Variants in CSGALNACT2 observed in about 807,000 individuals in gnomAD.
CSGALNACT2 encodes beta 4 GalNAcT-2.
CSGALNACT2 carries 35 observed loss-of-function variants against 55.3 expected under a neutral mutation model. That is an observed-to-expected ratio of 0.63 (90% CI 0.48 to 0.84). The LOEUF is 0.84. Among genes scored for constraint, CSGALNACT2 ranks in the 40% least tolerant of loss-of-function variants. The pLI is 0.00. For synonymous variants in CSGALNACT2, 196 were observed against 224.9 expected, an observed-to-expected ratio of 0.87 and a Z score of 1.15; for missense variants, 544 against 657.5, an observed-to-expected ratio of 0.83 and a Z score of 1.89.
chr10:43,177,054 G>C (rs770500492), intron 7 of CSGALNACT2, among the ~76,000 whole-genome samples: 3 of 152,080 alleles, frequency 2.0e-5, no homozygotes, highest in Non-Finnish European at 4.4e-5. Flanking sequence ...CCAGCCTTTT[G>C]TTTTGGAAAT....
chr10:43,152,152 T>C (rs1838888849), intron 1 of CSGALNACT2, among the ~76,000 whole-genome samples: 1 of 152,208 alleles, frequency 6.6e-6, no homozygotes, highest in African/African-American at 2.4e-5. Flanking sequence ...CTCAAAACAC[T>C]TAACTATCTG....
chr10:43,166,969 C>A (rs1179454511), intron 5 of CSGALNACT2, 35 bp from the exon 6 acceptor site: 12 of 1,322,812 alleles, frequency 9.1e-6, no homozygotes, highest in African/African-American at 1.5e-5. Flanking sequence ...TTCATAACTT[C>A]TTTTTATGTT....
intron 1 of CSGALNACT2, among the ~76,000 whole-genome samples, chr10:43,150,493 A>G (rs952404598): frequency 1.3e-5 from 2 of 152,228 alleles, no homozygotes; most frequent in Non-Finnish European, 2.9e-5. Context: ...CTCTGGGTAT[A>G]GAATTGTAGG....
chr10:43,180,999 G>A (rs1428330655), intron 7 of CSGALNACT2, among the ~76,000 whole-genome samples: 1 of 152,170 alleles, frequency 6.6e-6, no homozygotes, highest in East Asian at 1.9e-4. Flanking sequence ...ACATGCTGTG[G>A]CATACTTTAA....
At chr10:43,157,516 ACAG>A (rs1839040513) in intron 2 of CSGALNACT2, among the ~76,000 whole-genome samples, 1 of 152,190 alleles carries the variant, frequency 6.6e-6, no homozygotes, top group African/African-American at 2.4e-5. Flanking sequence ...CAGGTCTAAG[ACAG>A]CAGTACTTCT....
chr10:43,158,457 A>G (rs937907246), intron 2 of CSGALNACT2, among the ~76,000 whole-genome samples: 5 of 152,234 alleles, frequency 3.3e-5, no homozygotes, highest in Admixed American at 1.3e-4. Context: ...AAAAAGTCGT[A>G]TGTAAAAAGG....
chr10:43,177,080 C>G (rs974240948), intron 7 of CSGALNACT2, among the ~76,000 whole-genome samples: 1 of 152,136 alleles, frequency 6.6e-6, no homozygotes, highest in African/African-American at 2.4e-5. Flanking sequence ...CACCTTGTCT[C>G]CTTATCATTG....
intron 2 of CSGALNACT2, among the ~76,000 whole-genome samples, chr10:43,157,439 C>G (rs2133116291): frequency 6.6e-6 from 1 of 152,306 alleles, no homozygotes; most frequent in Middle Eastern, 3.4e-3. Context: ...GTAATGACAA[C>G]TAATTCCTAT....
At chr10:43,183,107 C>CTCCCGGTGACTGGGAG in intron 7 of CSGALNACT2, 143 bp from the exon 8 acceptor site, 1 of 667,856 alleles carries the variant, frequency 1.5e-6, no homozygotes, top group South Asian at 1.9e-5. Flanking sequence ...CTGGGAGTCA[C>CTCCCGGTGACTGGGAG]TCCTCCATGC....
chr10:43,153,752 G>A (rs1838931821), intron 1 of CSGALNACT2, among the ~76,000 whole-genome samples: 1 of 152,200 alleles, frequency 6.6e-6, no homozygotes, highest in Admixed American at 6.5e-5. Context: ...TCTATTTTTA[G>A]AGTTAAGAAT....
intron 1 of CSGALNACT2, among the ~76,000 whole-genome samples, chr10:43,145,048 T>TG (rs1805240258): frequency 1.3e-5 from 2 of 152,228 alleles, no homozygotes; most frequent in South Asian, 4.1e-4. Flanking sequence ...TCCATTCACC[T>TG]GTTGGTGGAC....
At chr10:43,150,731 T>C (rs1421933589) in intron 1 of CSGALNACT2, among the ~76,000 whole-genome samples, 1 of 152,216 alleles carries the variant, frequency 6.6e-6, no homozygotes, top group African/African-American at 2.4e-5. Context: ...GTTGAGCTTC[T>C]TATGTGTGTT....
Position 43,165,001 on chromosome 10 carries a change from A to G in CSGALNACT2, c.1159+957A>G, listed in dbSNP as rs996599578. Among the ~76,000 whole-genome samples, 318 of 152,232 alleles carry G rather than the reference A, an allele frequency of 2.1e-3. 2 individuals are homozygous for G. Among genetic ancestry groups the G allele is most frequent in the Admixed American group, 2.1e-3 (32 of 15,302 alleles). Reference sequence around the variant, plus strand: ...CACTTTGGGAGGCCGAGGCGGGCGGATCACGAGGTCAAGAGATGGAGACCA... The same window carrying G: ...CACTTTGGGAGGCCGAGGCGGGCGGGTCACGAGGTCAAGAGATGGAGACCA... On this transcript the variant is annotated intron_variant, in intron 5 of 7. Transcript: ENST00000374466.
rs1839635898 is a variant in CSGALNACT2, at chr10:43,183,608, T to G, written c.*66T>G. On this transcript the variant is annotated 3_prime_UTR_variant, in exon 8 of 8. Coordinates refer to ENST00000374466, the MANE Select transcript of CSGALNACT2 (RefSeq NM_018590.5). ...ACTATTTATTTAGCCTTACTTCTAC[T>G]TCCAGATGCAGTGCCTCTTTTGGAG... The G allele has an allele frequency of 6.8e-6, 9 of 1,325,838 alleles. No individual in the cohort carries two copies. Among genetic ancestry groups the G allele is most frequent in the Non-Finnish European group, 9.6e-6 (9 of 934,654 alleles). The allele number at this position is 1,325,838 out of a possible 1,614,324, so 82.1% of individuals were successfully genotyped here. A position where few individuals can be genotyped will look rare whatever the true frequency, so the allele number is the denominator to read the frequency against.
Position 43,151,041 on chromosome 10 carries a change from C to T in CSGALNACT2, c.-253-3856C>T, listed in dbSNP as rs576622078. Among the ~76,000 whole-genome samples the T allele has an allele frequency of 2.0e-5, 3 of 152,220 alleles. No homozygotes were observed. In the East Asian group the frequency reaches 5.8e-4, roughly 29 times the overall value. On this transcript the variant is annotated intron_variant, in intron 1 of 7. Transcript: ENST00000374466. ...GAAATTTTCATCTCCTGAAGTTTAA[C>T]TTGGATCTCTTTTATGTCATTCATA...
chr10:43,153,132 G>A (rs1373093854), intron 1 of CSGALNACT2, among the ~76,000 whole-genome samples: 2 of 151,870 alleles, frequency 1.3e-5, no homozygotes, highest in African/African-American at 4.8e-5. Context: ...GGCGGATCAC[G>A]AGGTCAGGAG....
intron 1 of CSGALNACT2, among the ~76,000 whole-genome samples, chr10:43,153,438 T>C (rs1035251557): frequency 6.6e-6 from 1 of 152,100 alleles, no homozygotes; most frequent in Non-Finnish European, 1.5e-5. Flanking sequence ...AAGACCATTA[T>C]TTGTGGTATA....
intron 2 of CSGALNACT2, among the ~76,000 whole-genome samples, chr10:43,156,358 A>C (rs1839009082): frequency 6.6e-6 from 1 of 152,224 alleles, no homozygotes; most frequent in Non-Finnish European, 1.5e-5. Context: ...AGGGTATGGA[A>C]TTTTTATGTA....
chr10:43,169,167 A>T (rs1839332297), intron 6 of CSGALNACT2, among the ~76,000 whole-genome samples: 1 of 152,258 alleles, frequency 6.6e-6, no homozygotes, highest in Admixed American at 6.5e-5. Context: ...CTGTTAGCGC[A>T]TTCCCCCTGA....
Sources: allele counts gnomAD v4.1 joint callset (sites outside exome capture counted in the v4.1 genomes callset), GRCh38; gene constraint gnomAD v4.1.1; transcripts MANE v1.5; gene names NCBI Gene and HGNC (gene_info 2026-07-23, HGNC 2026-07-21).